Variants in PLPP7 observed in about 807,000 individuals in gnomAD.
PLPP7 encodes the protein phospholipid phosphatase 7 (inactive).
Under a neutral mutation model 16.9 loss-of-function variants are expected in PLPP7, and 11 were observed. The observed-to-expected ratio is 0.65, with a 90% CI of 0.41 to 1.08. The LOEUF (loss-of-function observed/expected upper bound fraction) is 1.08, where lower values mean the gene tolerates loss of function less well. Among genes scored for constraint, PLPP7 ranks in the 50% least tolerant of loss-of-function variants. The probability of loss-of-function intolerance (pLI) is 0.00; values close to 1 mark genes in which losing one functional copy is unlikely to be tolerated. For synonymous variants in PLPP7, 174 were observed against 175.1 expected, an observed-to-expected ratio of 0.99 and a Z score of 0.05; for missense variants, 358 against 397.1, an observed-to-expected ratio of 0.90 and a Z score of 0.84.
At chr9:131,304,712 G>A (rs549699407) in intron 1 of PLPP7, among the ~76,000 whole-genome samples, 3 of 152,324 alleles carry the variant, frequency 2.0e-5, no homozygotes, top group Admixed American at 6.5e-5. Flanking sequence ...ACTCAACTAC[G>A]TTTGGAGACT....
Position 131,308,766 on chromosome 9 carries a change from C to G in PLPP7, c.*479C>G, listed in dbSNP as rs754416878. ...GACAGCTTAGGGCAGCACTTTCCAA[C>G]GGGTGCCCATGGGACACCAGCCTGC... On this transcript the variant is annotated 3_prime_UTR_variant, in exon 2 of 2. Transcript: ENST00000372264. The G allele has an allele frequency of 6.4e-6, 1 of 157,110 alleles. No homozygotes were observed. Among genetic ancestry groups the G allele is most frequent in the Non-Finnish European group, 1.4e-5 (1 of 71,332 alleles). The allele number at this position is 157,110 out of a possible 1,614,324, so 9.7% of individuals were successfully genotyped here. A position where few individuals can be genotyped will look rare whatever the true frequency, so the allele number is the denominator to read the frequency against.
At position 131,308,157 on chromosome 9, in the gene PLPP7, G is replaced by A. The variant is rs200212708; in HGVS notation, c.686G>A (p.Arg229His). The change falls in exon 2 of 2, where the codon CGC becomes CAC. Residue 229 changes from arginine (R) to histidine (H), a missense_variant. Coordinates refer to ENST00000372264, the MANE Select transcript of PLPP7 (RefSeq NM_032728.4). ...VLWALCVGLSRVMIGRHHVTD... is the reference protein window; with the variant it reads ...VLWALCVGLSHVMIGRHHVTD... Reference sequence around the variant, plus strand: ...TGGGCCCTCTGCGTGGGCCTGTCCCGCGTGATGATCGGCCGCCACCACGTC... The same window carrying A: ...TGGGCCCTCTGCGTGGGCCTGTCCCACGTGATGATCGGCCGCCACCACGTC... 5.4e-5 allele frequency: 87 copies of A among 1,600,572 alleles called. No individual in the cohort carries two copies. Among genetic ancestry groups the A allele is most frequent in the African/African-American group, 1.9e-4 (14 of 75,028 alleles).
intron 1 of PLPP7, among the ~76,000 whole-genome samples, chr9:131,297,569 A>G (rs150656183): frequency 0.011 from 1,716 of 152,172 alleles, 25 homozygotes; most frequent in African/African-American, 0.039. Flanking sequence ...TGTTTTTAGT[A>G]GAGACGGGGT....
Position 131,289,797 on chromosome 9 carries a change from G to T in PLPP7, c.-201G>T, listed in dbSNP as rs763883481. 17 of 421,896 alleles carry T rather than the reference G, an allele frequency of 4.0e-5. No homozygotes were observed. The highest frequency in any genetic ancestry group is 6.5e-5 in the Non-Finnish European group (16 of 246,852). The allele number at this position is 421,896 out of a possible 1,614,324, so 26.1% of individuals were successfully genotyped here. Reference sequence around the variant, plus strand: ...CATTGGAGGGCTCGATTGGCTGCCCGGCTGGCACTGACGTCCCCTTGGAGC... The same window carrying T: ...CATTGGAGGGCTCGATTGGCTGCCCTGCTGGCACTGACGTCCCCTTGGAGC... On this transcript the variant is annotated 5_prime_UTR_variant, in exon 1 of 2. Transcript: ENST00000372264.
Position 131,289,989 on chromosome 9 carries a change from G to C in PLPP7, c.-9G>C. 1 of 1,430,434 alleles carries C rather than the reference G, an allele frequency of 7.0e-7. No homozygotes were observed. Among genetic ancestry groups the C allele is most frequent in the Non-Finnish European group, 9.1e-7 (1 of 1,096,954 alleles). 88.6% of individuals were successfully genotyped at this position (1,430,434 alleles called of 1,614,324 possible). A position where few individuals can be genotyped will look rare whatever the true frequency, so the allele number is the denominator to read the frequency against. The stretch of plus-strand genomic sequence containing the variant: ...TGGCATCGGCCTTCTCGGGGTGAGC[G>C]AGGTCACCATGCCAGCTTCCCAGAG... On this transcript the variant is annotated 5_prime_UTR_variant, in exon 1 of 2. Coordinates refer to ENST00000372264, the MANE Select transcript of PLPP7 (RefSeq NM_032728.4).
In PLPP7 at chr9:131,289,889, A is replaced by G; in HGVS notation, c.-109A>G. 1.2e-6 allele frequency: 1 copy of G among 848,332 alleles called. No individual in the cohort carries two copies. The highest frequency in any genetic ancestry group is 1.6e-6 in the Non-Finnish European group (1 of 609,646). 52.6% of individuals were successfully genotyped at this position (848,332 alleles called of 1,614,324 possible). On this transcript the variant is annotated 5_prime_UTR_variant, in exon 1 of 2. Coordinates refer to ENST00000372264, the MANE Select transcript of PLPP7 (RefSeq NM_032728.4). ...ACTATATTTAACAGCTGCGGCGGAG[A>G]AGGCAGGGAGGCAGCCACGGTGGCG...
Position 131,295,062 on chromosome 9 carries a change from C to T in PLPP7, c.451+4614C>T, listed in dbSNP as rs1835720893. Among the ~76,000 whole-genome samples the T allele has an allele frequency of 6.6e-6, 1 of 150,606 alleles. No individual in the cohort carries two copies. The highest frequency in any genetic ancestry group is 6.6e-5 in the Admixed American group (1 of 15,190). On this transcript the variant is annotated intron_variant, in intron 1 of 1. Transcript: ENST00000372264. This position sits in a 1 kb window ranked among gnomAD's most constrained non-coding sequence, Gnocchi z 4.0. ...CCCGGGAGGCGGAGCTTGCAGTGAG[C>T]TGAGATCGCACCACTGCACTCCAGC...
In PLPP7 at chr9:131,290,023, G is replaced by A. The variant is rs148406586; in HGVS notation, c.26G>A (p.Arg9His). MPASQSRA[R>H]ARDRNNVLNR... ...ATGCCAGCTTCCCAGAGCCGGGCCC[G>A]TGCCCGGGACCGCAACAACGTCCTC... Residue 9 changes from arginine (R) to histidine (H), a missense_variant, in exon 1 of 2, where the codon CGT becomes CAT. Arg to His is a conservative substitution (Grantham distance 29). Transcript: ENST00000372264. The surrounding 1 kb of genome is among the most constrained non-coding windows in gnomAD (Gnocchi z 4.2). The A allele has an allele frequency of 3.1e-3, 4,471 of 1,432,010 alleles. 12 individuals carry two copies. Among genetic ancestry groups the A allele is most frequent in the Middle Eastern group, 5.4e-3 (29 of 5,390 alleles). 88.7% of individuals were successfully genotyped at this position (1,432,010 alleles called of 1,614,324 possible). A position where few individuals can be genotyped will look rare whatever the true frequency, so the allele number is the denominator to read the frequency against.
chr9:131,301,566 T>C (rs1835798457), intron 1 of PLPP7, among the ~76,000 whole-genome samples: 1 of 152,244 alleles, frequency 6.6e-6, no homozygotes, highest in South Asian at 2.1e-4. Context: ...GGCCAGACAA[T>C]TTTGACCCTG....
At chr9:131,304,241 C>T (rs1182916082) in intron 1 of PLPP7, among the ~76,000 whole-genome samples, 1 of 152,202 alleles carries the variant, frequency 6.6e-6, no homozygotes. Context: ...TGGTGCCTTC[C>T]TCTCTCGGCA....
intron 1 of PLPP7, among the ~76,000 whole-genome samples, chr9:131,303,710 C>G (rs1208354945): frequency 6.6e-6 from 1 of 152,090 alleles, no homozygotes; most frequent in Non-Finnish European, 1.5e-5. Flanking sequence ...TATCTTGTGT[C>G]CTAGGAAACC....
chr9:131,307,603 G>A (rs1164872278), intron 1 of PLPP7, among the ~76,000 whole-genome samples: 2 of 147,268 alleles, frequency 1.4e-5, no homozygotes, highest in Non-Finnish European at 3.0e-5. Flanking sequence ...AATAAAATGC[G>A]TATTATGTCA....
chr9:131,307,529 TTGACAAAGTGAAA>T, intron 1 of PLPP7, among the ~76,000 whole-genome samples: 1 of 108,162 alleles, frequency 9.2e-6, no homozygotes, highest in Non-Finnish European at 1.7e-5. Flanking sequence ...TCCAGCCTGG[TTGACAAAGTGAAA>T]CTCTGTCTCA....
chr9:131,294,322 C>T (rs1420425828), intron 1 of PLPP7, among the ~76,000 whole-genome samples: 1 of 152,212 alleles, frequency 6.6e-6, no homozygotes, highest in Non-Finnish European at 1.5e-5. Context: ...TGATGAATCA[C>T]ACATGAAGTG....
At chr9:131,300,656 T>G (rs1835787593) in intron 1 of PLPP7, among the ~76,000 whole-genome samples, 1 of 132,696 alleles carries the variant, frequency 7.5e-6, no homozygotes, top group Non-Finnish European at 1.5e-5. Context: ...TACTCCAGCC[T>G]GGGCAACAGA....
Position 131,295,469 on chromosome 9 carries a change from A to G in PLPP7, c.451+5021A>G, listed in dbSNP as rs904926455. 3.9e-5 allele frequency among the ~76,000 whole-genome samples: 6 copies of G among 152,108 alleles called. No homozygotes were observed. Among genetic ancestry groups the G allele is most frequent in the African/African-American group, 1.2e-4 (5 of 41,422 alleles). ...GCCTGGCTATGAAAACTACATTTTT[A>G]TGTCATTTTTTATTGTGATAAGCTA... On this transcript the variant is annotated intron_variant, in intron 1 of 1. Coordinates refer to ENST00000372264, the MANE Select transcript of PLPP7 (RefSeq NM_032728.4). This position sits in a 1 kb window ranked among gnomAD's most constrained non-coding sequence, Gnocchi z 4.0.
chr9:131,298,534 C>G (rs1262998592), intron 1 of PLPP7, among the ~76,000 whole-genome samples: 1 of 152,182 alleles, frequency 6.6e-6, no homozygotes, highest in Non-Finnish European at 1.5e-5. Context: ...AAGACCCTGC[C>G]CTGCTCTGAG....
At chr9:131,300,312 A>AT (rs1013488312) in intron 1 of PLPP7, among the ~76,000 whole-genome samples, 76 of 152,144 alleles carry the variant, frequency 5.0e-4, no homozygotes, top group African/African-American at 1.7e-3. Flanking sequence ...ATTTTATTTT[A>AT]TTTATTTAGT....
In PLPP7 at chr9:131,308,223, T is replaced by A. The variant is rs764216901; in HGVS notation, c.752T>A (p.Phe251Tyr). The change falls in exon 2 of 2, where the codon TTC becomes TAC. Residue 251 changes from phenylalanine (F) to tyrosine (Y), a missense_variant. Phe to Tyr is a conservative substitution (Grantham distance 22). Transcript: ENST00000372264. ...GGCTTTGTCATCGGCTACCTCCAGT[T>A]CCGTCTGGTGGAGCTGGTCTGGATG... ...LSGFVIGYLQ[F>Y]RLVELVWMPS... The A allele has an allele frequency of 5.0e-6, 8 of 1,599,494 alleles. No homozygotes were observed. Among genetic ancestry groups the A allele is most frequent in the Middle Eastern group, 1.6e-4 (1 of 6,082 alleles).
Sources: gnomAD v4.1 joint callset for allele counts (sites outside exome capture counted in the v4.1 genomes callset) on GRCh38, gnomAD v4.1.1 for gene constraint, Gnocchi (gnomAD v3.1) non-coding constraint, MANE v1.5 for transcripts, NCBI Gene and HGNC (gene_info 2026-07-23, HGNC 2026-07-21) for gene names.